The following CYRIB variants were observed in gnomAD, a reference collection of about 807,000 sequenced individuals.
CYRIB encodes CYFIP related Rac1 interactor B.
In CYRIB, 8 loss-of-function variants were observed where a neutral mutation model predicts 44.2. The ratio of observed to expected loss-of-function variants is 0.18; its 90% confidence interval spans 0.11 to 0.33. The LOEUF (loss-of-function observed/expected upper bound fraction) is 0.33. CYRIB is among the 10% of genes least tolerant of loss of function. The pLI is 1.00. For synonymous variants in CYRIB, 131 were observed against 127.2 expected (o/e 1.03, Z -0.20); for missense variants, 185 against 382.8 (o/e 0.48, Z 4.31).
chr8:129,910,099 G>A (rs1000342079), intron 1 of CYRIB, among the ~76,000 whole-genome samples: 2 of 152,126 alleles, frequency 1.3e-5, no homozygotes, highest in East Asian at 3.8e-4. Flanking sequence ...CAGAGTCTTC[G>A]CATGCCATAG....
At chr8:129,855,772 ATTAAG>A (rs765145827) in intron 5 of CYRIB, 25 bp from the exon 8 acceptor site, 3 of 1,584,048 alleles carry the variant, frequency 1.9e-6, no homozygotes, top group Non-Finnish European at 2.6e-6. Flanking sequence ...TGAAAAAAAC[ATTAAG>A]TTGTTTGTAT....
chr8:130,000,172 T>C (rs922169062), intron 1 of CYRIB, among the ~76,000 whole-genome samples: 3 of 152,120 alleles, frequency 2.0e-5, no homozygotes, highest in African/African-American at 7.2e-5. Flanking sequence ...TATCACTTCC[T>C]TTCCCAGGTG....
chr8:129,975,683 C>T (rs919563449), intron 1 of CYRIB, among the ~76,000 whole-genome samples: 6 of 152,178 alleles, frequency 3.9e-5, no homozygotes, highest in African/African-American at 1.4e-4. Flanking sequence ...CCACATCCCA[C>T]TTAATAGGAA....
intron 5 of CYRIB, among the ~76,000 whole-genome samples, chr8:129,857,871 A>G (rs572405597): frequency 2.6e-5 from 4 of 152,350 alleles, no homozygotes; most frequent in South Asian, 2.1e-4. Flanking sequence ...AGAAAAATGC[A>G]TCTGCCTAGA....
intron 1 of CYRIB, among the ~76,000 whole-genome samples, chr8:129,984,446 C>T (rs17194770): frequency 0.04 from 6,107 of 152,192 alleles, 145 homozygotes; most frequent in Middle Eastern, 0.068. Flanking sequence ...GGTTGCTACC[C>T]TCATCTCACT....
intron 1 of CYRIB, among the ~76,000 whole-genome samples, chr8:129,972,795 A>T (rs947509117): frequency 4.6e-5 from 7 of 151,854 alleles, no homozygotes; most frequent in Non-Finnish European, 8.8e-5. Context: ...TCACACACCC[A>T]GCACACCCAG....
At chr8:130,014,274 T>A (rs1321555402) in intron 1 of CYRIB, among the ~76,000 whole-genome samples, 1 of 151,848 alleles carries the variant, frequency 6.6e-6, no homozygotes, top group Non-Finnish European at 1.5e-5. Context: ...TACAAAACAT[T>A]AAAAAATTAG....
chr8:129,997,417 C>G (rs2096799995), intron 1 of CYRIB, among the ~76,000 whole-genome samples: 1 of 151,940 alleles, frequency 6.6e-6, no homozygotes, highest in Non-Finnish European at 1.5e-5. Context: ...AAACACAGAC[C>G]CAAAAAAGTG....
rs528878812 is a variant in CYRIB at position 129,990,214 on chromosome 8, A to T, written c.-295-19219T>A. Reference sequence around the variant, plus strand: ...GTGCTCCATAAACACGTGAATATACATATATGTATATACTGTATATGCATG... The same window carrying T: ...GTGCTCCATAAACACGTGAATATACTTATATGTATATACTGTATATGCATG... On this transcript the variant is annotated intron_variant, in intron 1 of 14. Transcript: ENST00000401979. 1.5e-3 allele frequency among the ~76,000 whole-genome samples: 223 copies of T among 152,302 alleles called. 1 individual carries two copies. The highest frequency in any genetic ancestry group is 5.2e-3 in the African/African-American group (217 of 41,560).
At chr8:129,877,584 G>A (rs780301640) in intron 3 of CYRIB, among the ~76,000 whole-genome samples, 7 of 151,340 alleles carry the variant, frequency 4.6e-5, no homozygotes, top group Non-Finnish European at 8.8e-5. Flanking sequence ...GGTAGGCAGA[G>A]GTTGCAGTGA....
At chr8:129,877,271 C>T (rs2059406078) in intron 3 of CYRIB, among the ~76,000 whole-genome samples, 1 of 152,110 alleles carries the variant, frequency 6.6e-6, no homozygotes, top group African/African-American at 2.4e-5. Context: ...TCTGCCTTTA[C>T]AGTTAACATT....
chr8:130,007,070 C>T (rs1337292118), intron 1 of CYRIB, among the ~76,000 whole-genome samples: 1 of 152,092 alleles, frequency 6.6e-6, no homozygotes, highest in African/African-American at 2.4e-5. Context: ...ACTAACTTTA[C>T]CAAAAACCTC....
At chr8:129,957,648 T>G (rs983424958) in intron 2 of CYRIB, among the ~76,000 whole-genome samples, 1 of 151,990 alleles carries the variant, frequency 6.6e-6, no homozygotes, top group African/African-American at 2.4e-5. Context: ...CTGGCCAACA[T>G]GGTGAAACCC....
intron 1 of CYRIB, among the ~76,000 whole-genome samples, chr8:130,014,505 T>C (rs577016626): frequency 1.3e-5 from 2 of 152,248 alleles, no homozygotes; most frequent in South Asian, 4.1e-4. Context: ...CTGCACTGTC[T>C]CTTAAAAATA....
chr8:130,002,212 G>A (rs896871315), intron 1 of CYRIB, among the ~76,000 whole-genome samples: 5 of 152,202 alleles, frequency 3.3e-5, no homozygotes, highest in Non-Finnish European at 5.9e-5. Context: ...TGTAATTCCA[G>A]CACTTTGGGA....
chr8:129,915,592 A>G (rs2080325203), intron 1 of CYRIB, among the ~76,000 whole-genome samples: 1 of 152,206 alleles, frequency 6.6e-6, no homozygotes, highest in South Asian at 2.1e-4. Context: ...AGGCAGGAAA[A>G]AACTTTGAAG....
At chr8:129,941,957 T>A (rs2093741733), upstream of CYRIB, among the ~76,000 whole-genome samples, 1 of 152,204 alleles carries the variant, frequency 6.6e-6, no homozygotes, top group Non-Finnish European at 1.5e-5. Context: ...CCACTGGTCG[T>A]AATTTTCTCT....
At chr8:130,013,129 A>G (rs1042773992) in intron 1 of CYRIB, among the ~76,000 whole-genome samples, 17 of 152,200 alleles carry the variant, frequency 1.1e-4, no homozygotes, top group African/African-American at 3.9e-4. Flanking sequence ...AGTGATTATT[A>G]CTGTTGTTGA....
intron 1 of CYRIB, among the ~76,000 whole-genome samples, chr8:129,935,386 T>C (rs1298765111): frequency 6.6e-6 from 1 of 152,204 alleles, no homozygotes; most frequent in Non-Finnish European, 1.5e-5. Flanking sequence ...AGGATGAAAC[T>C]GTTCCACCTC....
Sources: allele counts gnomAD v4.1 joint callset (sites outside exome capture counted in the v4.1 genomes callset), GRCh38; gene constraint gnomAD v4.1.1; transcripts MANE v1.5; gene names NCBI Gene and HGNC (gene_info 2026-07-23, HGNC 2026-07-21).